ADAMTSL3: variants seen among roughly 807,000 people sequenced by gnomAD.
ADAMTSL3 encodes ADAMTS like 3.
A neutral mutation model predicts 201.7 loss-of-function variants in ADAMTSL3; 128 were observed. The observed-to-expected ratio is 0.63, with a 90% CI of 0.55 to 0.73. The LOEUF is 0.73. Ranked by LOEUF, ADAMTSL3 falls within the 30% of genes least tolerant of loss-of-function variation. The pLI is 0.00. For missense variants in ADAMTSL3, 1,990 were observed against 2,119.6 expected (o/e 0.94, Z 1.20); for synonymous variants, 738 against 748.4 (o/e 0.99, Z 0.23).
intron 7 of ADAMTSL3, among the ~76,000 whole-genome samples, chr15:83,853,753 A>T (rs1341343197): frequency 6.6e-6 from 1 of 152,176 alleles, no homozygotes; most frequent in Admixed American, 6.5e-5. Context: ...TGACATTGGA[A>T]TGTAGTTTTA....
intron 20 of ADAMTSL3, among the ~76,000 whole-genome samples, chr15:83,977,329 C>T (rs1468009271): frequency 6.6e-6 from 1 of 152,108 alleles, no homozygotes; most frequent in Non-Finnish European, 1.5e-5. Flanking sequence ...AGGTTGGGGA[C>T]TGCTGGTTTA....
intron 5 of ADAMTSL3, among the ~76,000 whole-genome samples, chr15:83,811,058 A>G (rs1282700290): frequency 2.0e-5 from 3 of 152,108 alleles, no homozygotes; most frequent in Admixed American, 6.6e-5. Flanking sequence ...TTCTGTAGTC[A>G]TATCTTCCTG....
At chr15:83,876,424 A>G (rs76990103) in intron 9 of ADAMTSL3, among the ~76,000 whole-genome samples, 3,900 of 144,966 alleles carry the variant, frequency 0.027, 177 homozygotes, top group African/African-American at 0.094. Context: ...CTGAATTCTT[A>G]ATTCATTCTA....
intron 6 of ADAMTSL3, among the ~76,000 whole-genome samples, chr15:83,825,480 G>A (rs946400772): frequency 9.2e-5 from 14 of 152,006 alleles, no homozygotes; most frequent in African/African-American, 3.4e-4. Context: ...GGGTGTGTTG[G>A]CGCAAGCCTA....
At chr15:83,666,558 A>G (rs979501432) in intron 2 of ADAMTSL3, among the ~76,000 whole-genome samples, 3 of 152,158 alleles carry the variant, frequency 2.0e-5, no homozygotes, top group Non-Finnish European at 4.4e-5. Context: ...GAATAACAGG[A>G]CTGGGCACAA....
intron 13 of ADAMTSL3, among the ~76,000 whole-genome samples, chr15:83,894,818 CATAT>C (rs72182889): frequency 2.0e-5 from 3 of 150,428 alleles, no homozygotes; most frequent in African/African-American, 7.3e-5. Context: ...GTCAAAATAA[CATAT>C]ATATATATAT....
chr15:83,843,866 A>T (rs1245777053), intron 7 of ADAMTSL3, among the ~76,000 whole-genome samples: 1 of 152,242 alleles, frequency 6.6e-6, no homozygotes, highest in Non-Finnish European at 1.5e-5. Context: ...TTATCCAGAT[A>T]CAACATACAG....
intron 3 of ADAMTSL3, among the ~76,000 whole-genome samples, chr15:83,758,306 A>T (rs1330976375): frequency 6.6e-6 from 1 of 152,222 alleles, no homozygotes; most frequent in Admixed American, 6.5e-5. Context: ...GAGCAAAGGG[A>T]CATCTTACAT....
chr15:83,939,012 C>G (rs2066508920), intron 17 of ADAMTSL3, among the ~76,000 whole-genome samples: 2 of 152,136 alleles, frequency 1.3e-5, no homozygotes, highest in African/African-American at 4.8e-5. Flanking sequence ...TTAACATTTA[C>G]AAATGTTTTT....
intron 3 of ADAMTSL3, among the ~76,000 whole-genome samples, chr15:83,732,710 A>G (rs1441614571): frequency 2.0e-5 from 3 of 152,166 alleles, no homozygotes; most frequent in African/African-American, 7.2e-5. Context: ...TTTCATGGAA[A>G]TGGAATTTAT....
Position 83,943,071 on chromosome 15 carries a change from G to T in ADAMTSL3, c.2479G>T (p.Asp827Tyr). 1 of 1,610,966 alleles carries T rather than the reference G, an allele frequency of 6.2e-7. No homozygotes were observed. The highest frequency in any genetic ancestry group is 8.5e-7 in the Non-Finnish European group (1 of 1,178,924). ...TDCPPHLAVG[D>Y]WSKCSVSCGV... ...CTGTCCTCCACATTTAGCTGTGGGA[G>T]ACTGGTCGAAGGTAAGGGCCAGGCT... The change falls in exon 19 of 30, where the codon GAC (aspartate) becomes TAC (tyrosine). Residue 827 changes from aspartate (D) to tyrosine (Y), a missense_variant. Physicochemically the swap from Asp to Tyr is radical, Grantham distance 160 (BLOSUM62 -3). Transcript: ENST00000286744.
Position 83,991,184 on chromosome 15 carries a change from G to A in ADAMTSL3, c.3943G>A (p.Ala1315Thr). Reference protein sequence around the residue: ...VGGIVEAALGANVTIRCPVKG... With the variant: ...VGGIVEAALGTNVTIRCPVKG... ...AGGCATCGTGGAGGCAGCCCTTGGA[G>A]CAAACGTGACAATCCGATGTCCTGT... The change falls in exon 23 of 30, where the codon GCA (alanine) becomes ACA (threonine). Residue 1315 changes from alanine to threonine, a missense_variant. Physicochemically the swap from Ala to Thr is moderately conservative, Grantham distance 58 (BLOSUM62 0). Coordinates refer to ENST00000286744, the MANE Select transcript of ADAMTSL3 (RefSeq NM_207517.3). 1.2e-6 allele frequency: 2 copies of A among 1,614,224 alleles called. No homozygotes were observed. The highest frequency in any genetic ancestry group is 1.6e-4 in the Middle Eastern group (1 of 6,062).
intron 23 of ADAMTSL3, among the ~76,000 whole-genome samples, chr15:84,004,968 G>A (rs148653260): frequency 3.3e-5 from 5 of 152,304 alleles, no homozygotes; most frequent in Non-Finnish European, 5.9e-5. Flanking sequence ...AGGCTTTTGT[G>A]CTTTTCTCCT....
intron 2 of ADAMTSL3, among the ~76,000 whole-genome samples, chr15:83,685,288 T>TA (rs756147138): frequency 3.7e-4 from 56 of 152,328 alleles, no homozygotes; most frequent in African/African-American, 1.2e-3. Flanking sequence ...CTGTTTTTTT[T>TA]ATCTTTAATG....
At position 83,773,773 on chromosome 15, in the gene ADAMTSL3, G is replaced by C; in HGVS notation, c.317+123G>C. 9 of 1,313,158 alleles carry C rather than the reference G, an allele frequency of 6.9e-6. No homozygotes were observed. In the South Asian group the frequency reaches 1.4e-4, roughly 21 times the overall value. The allele number at this position is 1,313,158 out of a possible 1,614,324, so 81.3% of individuals were successfully genotyped here. ...GTGATGATGGTGTAACGTTTGCTTT[G>C]TCTAAATATTAGTCAACCTAGGTTA... On this transcript the variant is annotated intron_variant, in intron 4 of 29. Transcript: ENST00000286744.
chr15:83,667,387 A>G (rs569351246), intron 2 of ADAMTSL3, among the ~76,000 whole-genome samples: 1 of 152,214 alleles, frequency 6.6e-6, no homozygotes, highest in Non-Finnish European at 1.5e-5. Flanking sequence ...CTTAAATGGC[A>G]TATGGTATAA....
intron 28 of ADAMTSL3, among the ~76,000 whole-genome samples, chr15:84,035,748 G>A (rs1174550397): frequency 6.6e-6 from 1 of 152,154 alleles, no homozygotes; most frequent in Non-Finnish European, 1.5e-5. Flanking sequence ...ATATCTCATA[G>A]AATCCAAAGG....
chr15:83,719,440 A>C (rs1165455886), intron 3 of ADAMTSL3, among the ~76,000 whole-genome samples: 1 of 152,192 alleles, frequency 6.6e-6, no homozygotes, highest in Non-Finnish European at 1.5e-5. Flanking sequence ...ACAGACAAAA[A>C]ACCTACGACA....
At chr15:83,885,755 C>T (rs1022221602) in intron 10 of ADAMTSL3, among the ~76,000 whole-genome samples, 16 of 151,340 alleles carry the variant, frequency 1.1e-4, no homozygotes, top group South Asian at 4.2e-4. Context: ...TTTTGAGTCT[C>T]GCTCTGTCGC....
Sources: gnomAD v4.1 joint callset for allele counts (sites outside exome capture counted in the v4.1 genomes callset) on GRCh38, gnomAD v4.1.1 for gene constraint, MANE v1.5 for transcripts, NCBI Gene and HGNC (gene_info 2026-07-23, HGNC 2026-07-21) for gene names.